Variants in DENND1B observed in about 807,000 individuals in gnomAD.
The protein encoded by DENND1B is DENN domain containing 1B.
A neutral mutation model predicts 90.1 loss-of-function variants in DENND1B; 59 were observed. The observed-to-expected ratio is 0.65, with a 90% CI of 0.53 to 0.81. DENND1B has a LOEUF of 0.81. Ranked by LOEUF, DENND1B falls within the 40% of genes least tolerant of loss-of-function variation. DENND1B has a pLI of 0.00. For missense variants in DENND1B, 862 were observed against 912.6 expected (o/e 0.94, Z 0.71); for synonymous variants, 337 against 324.6 (o/e 1.04, Z -0.41).
At chr1:197,565,282 A>C (rs1672532194) in intron 15 of DENND1B, among the ~76,000 whole-genome samples, 1 of 151,948 alleles carries the variant, frequency 6.6e-6, no homozygotes, top group South Asian at 2.1e-4. Flanking sequence ...CTTTGGTCCC[A>C]CTCCTTTTAT....
At chr1:197,570,605 T>C (rs1000540727) in intron 15 of DENND1B, among the ~76,000 whole-genome samples, 3 of 152,194 alleles carry the variant, frequency 2.0e-5, no homozygotes, top group Non-Finnish European at 2.9e-5. Flanking sequence ...TGAGGATTTT[T>C]ACCCTAATAT....
chr1:197,522,950 T>C (rs955107221), intron 20 of DENND1B, among the ~76,000 whole-genome samples: 7 of 152,124 alleles, frequency 4.6e-5, no homozygotes, highest in Admixed American at 3.9e-4. Flanking sequence ...TAGCTGAGCG[T>C]CTCAAAGACA....
intron 1 of DENND1B, 66 bp downstream of exon 1, chr1:197,775,073 C>G (rs1441796697): frequency 2.7e-6 from 3 of 1,113,212 alleles, no homozygotes; most frequent in South Asian, 8.6e-5. Context: ...GCGGAGGAGC[C>G]GAGCTGGCCT....
chr1:197,724,884 TAA>T, intron 2 of DENND1B, among the ~76,000 whole-genome samples: 2 of 152,074 alleles, frequency 1.3e-5, no homozygotes, highest in East Asian at 3.9e-4. Context: ...AATAGTGAAC[TAA>T]GTCAGACACA....
At chr1:197,570,526 T>C (rs1296105371) in intron 15 of DENND1B, among the ~76,000 whole-genome samples, 1 of 152,156 alleles carries the variant, frequency 6.6e-6, no homozygotes, top group Non-Finnish European at 1.5e-5. Context: ...TAAAATTACA[T>C]AAACATTTGA....
At chr1:197,551,132 C>T (rs1671209638) in intron 16 of DENND1B, among the ~76,000 whole-genome samples, 1 of 150,528 alleles carries the variant, frequency 6.6e-6, no homozygotes, top group Non-Finnish European at 1.5e-5. Context: ...AGATGGATAT[C>T]TTCTAATTAA....
At chr1:197,668,927 C>CA (rs1036257460) in intron 5 of DENND1B, among the ~76,000 whole-genome samples, 1 of 151,972 alleles carries the variant, frequency 6.6e-6, no homozygotes, top group African/African-American at 2.4e-5. Flanking sequence ...AAAATTTTTT[C>CA]AATTCTGCTA....
intron 10 of DENND1B, among the ~76,000 whole-genome samples, chr1:197,632,790 G>A (rs1439198910): frequency 6.6e-6 from 1 of 152,030 alleles, no homozygotes; most frequent in African/African-American, 2.4e-5. Context: ...GGCTAACTGG[G>A]GTACCATATG....
chr1:197,704,692 C>A (rs1335956277), intron 3 of DENND1B, among the ~76,000 whole-genome samples: 1 of 152,062 alleles, frequency 6.6e-6, no homozygotes, highest in African/African-American at 2.4e-5. Context: ...ACTAACAACT[C>A]CATGTTATGA....
At chr1:197,769,271 T>C (rs897434362) in intron 2 of DENND1B, among the ~76,000 whole-genome samples, 3 of 152,210 alleles carry the variant, frequency 2.0e-5, no homozygotes, top group African/African-American at 4.8e-5. Context: ...TCAATCACAA[T>C]AGTCTTGCCA....
intron 22 of DENND1B, among the ~76,000 whole-genome samples, chr1:197,511,261 T>C (rs1196757460): frequency 6.6e-6 from 1 of 151,826 alleles, no homozygotes; most frequent in Non-Finnish European, 1.5e-5. Flanking sequence ...TCATTACTCA[T>C]ACTTCTATCT....
intron 3 of DENND1B, 40 bp from the exon 4 acceptor site, chr1:197,674,209 A>C: frequency 6.9e-7 from 1 of 1,459,472 alleles, no homozygotes; most frequent in Non-Finnish European, 9.3e-7. Flanking sequence ...TAAGTTTTAG[A>C]ATATTTTTTA....
intron 4 of DENND1B, among the ~76,000 whole-genome samples, 179 bp from the exon 5 acceptor site, chr1:197,672,335 A>G (rs1025027126): frequency 3.9e-5 from 6 of 152,086 alleles, no homozygotes; most frequent in African/African-American, 1.4e-4. Flanking sequence ...GTAAACACCA[A>G]AATAAGTTGT....
intron 14 of DENND1B, among the ~76,000 whole-genome samples, chr1:197,589,463 T>G (rs920934651): frequency 2.0e-5 from 3 of 152,138 alleles, no homozygotes; most frequent in Non-Finnish European, 4.4e-5. Context: ...AGAAATGACA[T>G]GAAAGGATGT....
At chr1:197,777,123 A>G (rs1442062942), upstream of DENND1B, among the ~76,000 whole-genome samples, 1 of 152,192 alleles carries the variant, frequency 6.6e-6, no homozygotes, top group Non-Finnish European at 1.5e-5. Flanking sequence ...GTAAGCTAAA[A>G]GCCACTTCTG....
chr1:197,554,098 TATACACACACAC>T (rs777913698), intron 15 of DENND1B, among the ~76,000 whole-genome samples: 12 of 98,412 alleles, frequency 1.2e-4, no homozygotes, highest in Admixed American at 4.0e-4. Context: ...AATCAATGAT[TATACACACACAC>T]ACACACACAC....
intron 5 of DENND1B, among the ~76,000 whole-genome samples, chr1:197,663,518 G>C (rs558901965): frequency 5.0e-4 from 76 of 152,158 alleles, no homozygotes; most frequent in African/African-American, 1.6e-3. Flanking sequence ...GGCATATTTT[G>C]TTTGGTCAAC....
At chr1:197,678,173 C>T (rs906486124) in intron 3 of DENND1B, among the ~76,000 whole-genome samples, 5 of 152,132 alleles carry the variant, frequency 3.3e-5, no homozygotes, top group African/African-American at 4.8e-5. Flanking sequence ...GAATTCAACC[C>T]ATTCGTCTCC....
the DENND1B span, among the ~76,000 whole-genome samples, chr1:197,781,846 G>A: frequency 6.6e-6 from 1 of 152,118 alleles, no homozygotes; most frequent in African/African-American, 2.4e-5. Flanking sequence ...AATTCAATGG[G>A]TCGATGATGA....
Sources: allele counts gnomAD v4.1 joint callset (sites outside exome capture counted in the v4.1 genomes callset), GRCh38; gene constraint gnomAD v4.1.1; transcripts MANE v1.5; gene names NCBI Gene and HGNC (gene_info 2026-07-23, HGNC 2026-07-21).